The following FMN1 variants were observed in gnomAD, a reference collection of about 807,000 sequenced individuals.
FMN1 encodes formin-1.
FMN1 carries 110 observed loss-of-function variants against 132.4 expected under a neutral mutation model. The observed-to-expected ratio is 0.83, with a 90% confidence interval of 0.71 to 0.97. The LOEUF (loss-of-function observed/expected upper bound fraction) is 0.97. FMN1 is among the 50% of genes least tolerant of loss of function. The probability of loss-of-function intolerance (pLI) is 0.00; values close to 1 mark genes in which losing one functional copy is unlikely to be tolerated. For synonymous variants in FMN1, 722 were observed against 651.7 expected (o/e 1.11, Z -1.64); for missense variants, 1,792 against 1,705.3 (o/e 1.05, Z -0.90).
intron 4 of FMN1, among the ~76,000 whole-genome samples, chr15:33,094,824 A>C (rs1188478660): frequency 6.6e-6 from 1 of 152,192 alleles, no homozygotes; most frequent in African/African-American, 2.4e-5. Context: ...CCATAGTTAC[A>C]CTGGATATTT....
intron 9 of FMN1, among the ~76,000 whole-genome samples, chr15:32,959,791 C>T (rs2030294659): frequency 6.6e-6 from 1 of 152,224 alleles, no homozygotes; most frequent in Non-Finnish European, 1.5e-5. Flanking sequence ...AATATTCATT[C>T]ACCAAAACAG....
At chr15:33,103,851 C>T (rs527642607) in intron 4 of FMN1, among the ~76,000 whole-genome samples, 1 of 152,160 alleles carries the variant, frequency 6.6e-6, no homozygotes, top group South Asian at 2.1e-4. Flanking sequence ...TTTTTAGCAT[C>T]TTATCACTAT....
At chr15:33,092,695 A>G (rs1040354809) in intron 4 of FMN1, among the ~76,000 whole-genome samples, 10 of 152,146 alleles carry the variant, frequency 6.6e-5, no homozygotes, top group South Asian at 2.1e-4. Context: ...AAAACAATAC[A>G]TATTTATTAT....
chr15:32,980,135 G>A (rs2032535726), intron 7 of FMN1, among the ~76,000 whole-genome samples: 1 of 152,004 alleles, frequency 6.6e-6, no homozygotes, highest in South Asian at 2.1e-4. Context: ...AAGCTAGGAG[G>A]GGAAGTGTTT....
intron 6 of FMN1, among the ~76,000 whole-genome samples, chr15:33,048,644 A>AAAAAAAACAAAAAACAAAAAC: frequency 1.2e-5 from 1 of 86,920 alleles, no homozygotes; most frequent in African/African-American, 4.1e-5. Flanking sequence ...AAAAAAAAAA[A>AAAAAAAACAAAAAACAAAAAC]AAAAACCAAC....
intron 4 of FMN1, among the ~76,000 whole-genome samples, chr15:33,105,190 G>A (rs138896799): frequency 2.3e-3 from 347 of 152,190 alleles, no homozygotes; most frequent in African/African-American, 7.9e-3. Flanking sequence ...TGCTCTGGAT[G>A]TTTCATTACT....
Position 32,785,192 on chromosome 15 carries a change from G to GTA in FMN1, c.4131-8274_4131-8273insTA, listed in dbSNP as rs1567162734. 2.6e-4 allele frequency among the ~76,000 whole-genome samples: 6 copies of GTA among 23,174 alleles called. No homozygotes were observed. In the East Asian group the frequency reaches 5.9e-3, roughly 23 times the overall value. The allele number at this position is 23,174 out of a possible 152,430, so 15.2% of individuals were successfully genotyped here. On this transcript the variant is annotated intron_variant, in intron 19 of 20. Transcript: ENST00000616417. ...TGTGTGTGTGTGTGTGTGTGTGTGT[G>GTA]TGTGTGTGTATATATATATATATAT...
At chr15:32,806,702 T>C (rs1204959810) in intron 17 of FMN1, among the ~76,000 whole-genome samples, 1 of 152,246 alleles carries the variant, frequency 6.6e-6, no homozygotes, top group East Asian at 1.9e-4. Context: ...TTGAGCGCAC[T>C]GAGCGTGCAC....
intron 9 of FMN1, among the ~76,000 whole-genome samples, chr15:32,950,713 A>G (rs1400472922): frequency 6.6e-6 from 1 of 152,176 alleles, no homozygotes; most frequent in Non-Finnish European, 1.5e-5. Context: ...GAGGAGGTTG[A>G]GTATCAGGAA....
rs557717705 is a variant in FMN1 at position 32,996,450 on chromosome 15, G to C, written c.2223+11564C>G. Among the ~76,000 whole-genome samples, 10 of 152,298 alleles carry C rather than the reference G, an allele frequency of 6.6e-5. No homozygotes were observed. In the East Asian group the frequency reaches 1.9e-3, roughly 29 times the overall value. On this transcript the variant is annotated intron_variant, in intron 7 of 20. Coordinates refer to ENST00000616417, the MANE Select transcript of FMN1 (RefSeq NM_001277313.2). The stretch of plus-strand genomic sequence containing the variant: ...TCCTAAGGACAAATATCCACCCAAA[G>C]ATAGATCAGAGGCAAAGGTCAATCC...
Position 32,981,533 on chromosome 15 carries a change from TAA to T in FMN1, c.2224-12058_2224-12057del, listed in dbSNP as rs1491401808. On this transcript the variant is annotated intron_variant, in intron 7 of 20. Transcript: ENST00000616417. ...ACTCCATCTCAAATAATAATAATAA[TAA>T]TAATAATAATTATTATTATTATTAT... 1.3e-3 allele frequency among the ~76,000 whole-genome samples: 170 copies of T among 130,906 alleles called. 2 individuals are homozygous for T. The highest frequency in any genetic ancestry group is 8.3e-4 in the Non-Finnish European group (51 of 61,114). The allele number at this position is 130,906 out of a possible 152,430, so 85.9% of individuals were successfully genotyped here.
intron 2 of FMN1, among the ~76,000 whole-genome samples, chr15:33,189,427 T>A (rs973708289): frequency 6.6e-6 from 1 of 152,206 alleles, no homozygotes. Flanking sequence ...CTGAAGTGGC[T>A]GCCTTCATCT....
intron 19 of FMN1, among the ~76,000 whole-genome samples, chr15:32,795,911 A>C (rs1351348626): frequency 1.3e-5 from 2 of 152,226 alleles, no homozygotes; most frequent in African/African-American, 4.8e-5. Context: ...CCAAAGATAT[A>C]GTTAATCTCC....
At chr15:33,112,800 G>A (rs1418471800) in intron 4 of FMN1, among the ~76,000 whole-genome samples, 1 of 152,188 alleles carries the variant, frequency 6.6e-6, no homozygotes, top group Non-Finnish European at 1.5e-5. Context: ...AGGAAGTGGT[G>A]TGGGTAAATG....
intron 16 of FMN1, among the ~76,000 whole-genome samples, chr15:32,866,520 C>T (rs556255806): frequency 7.2e-5 from 11 of 152,288 alleles, no homozygotes; most frequent in African/African-American, 2.6e-4. Context: ...TCTTTGTTTC[C>T]AAGAAGAGCT....
At chr15:33,118,363 G>C (rs1382523776) in intron 4 of FMN1, among the ~76,000 whole-genome samples, 1 of 151,140 alleles carries the variant, frequency 6.6e-6, no homozygotes, top group East Asian at 1.9e-4. Context: ...AATTCTCAGG[G>C]GCATACTAAG....
intron 2 of FMN1, among the ~76,000 whole-genome samples, chr15:33,189,798 A>G (rs141404399): frequency 1.2e-4 from 19 of 152,358 alleles, no homozygotes; most frequent in Non-Finnish European, 4.4e-5. Context: ...CTTCTGTATT[A>G]AGCCAAGGAT....
intron 4 of FMN1, among the ~76,000 whole-genome samples, chr15:33,091,523 G>A (rs188195739): frequency 1.6e-4 from 24 of 152,290 alleles, no homozygotes; most frequent in Admixed American, 6.5e-4. Flanking sequence ...AAACCATGAT[G>A]CATAATAATT....
intron 7 of FMN1, among the ~76,000 whole-genome samples, chr15:32,984,160 T>C (rs572709486): frequency 5.3e-5 from 8 of 152,352 alleles, no homozygotes; most frequent in Non-Finnish European, 5.9e-5. Context: ...AAAGACCTAC[T>C]ACTATCTTCT....
Sources: allele counts gnomAD v4.1 joint callset (sites outside exome capture counted in the v4.1 genomes callset), GRCh38; gene constraint gnomAD v4.1.1; transcripts MANE v1.5; gene names NCBI Gene and HGNC (gene_info 2026-07-23, HGNC 2026-07-21).